The following ATP5PB variants were observed in gnomAD, a reference collection of about 807,000 sequenced individuals.
ATP5PB encodes the protein ATP synthase peripheral stalk-membrane subunit b.
ATP5PB carries 21 observed loss-of-function variants against 34.5 expected under a neutral mutation model. The observed-to-expected ratio is 0.61, with a 90% CI of 0.43 to 0.88. The LOEUF is 0.88. Ranked by LOEUF, ATP5PB falls within the 40% of genes least tolerant of loss-of-function variation. The pLI, the probability that ATP5PB is intolerant of heterozygous loss-of-function variation, is 0.00. For synonymous variants in ATP5PB, 108 were observed against 114.1 expected (o/e 0.95, Z 0.34); for missense variants, 293 against 317.4 (o/e 0.92, Z 0.58).
At chr1:111,460,009 T>G (rs548120327) in intron 6 of ATP5PB, among the ~76,000 whole-genome samples, 1 of 152,008 alleles carries the variant, frequency 6.6e-6, no homozygotes, top group Admixed American at 6.6e-5. Flanking sequence ...TACAAAAAAT[T>G]TAAAAAGTAG....
rs1052880288 is a variant in ATP5PB, at chr1:111,462,540, T to G, written c.*1546T>G. On this transcript the variant is annotated 3_prime_UTR_variant, in exon 7 of 7. Transcript: ENST00000369722. ...GATTCTCCCATACTTGTACAAGGAT[T>G]TATTTGTATTCAAATGGACAAATTA... is the stretch of plus-strand genomic sequence containing the variant. The G allele has an allele frequency of 6.6e-6, 1 of 152,232 alleles. No homozygotes were observed. Among genetic ancestry groups the G allele is most frequent in the African/African-American group, 2.4e-5 (1 of 41,462 alleles). The allele number at this position is 152,232 out of a possible 1,614,324, so 9.4% of individuals were successfully genotyped here.
chr1:111,454,744 G>C (rs574759576), intron 3 of ATP5PB, among the ~76,000 whole-genome samples: 1 of 152,216 alleles, frequency 6.6e-6, no homozygotes, highest in East Asian at 1.9e-4. Flanking sequence ...GCCTGCAGCC[G>C]CAAGTCAGCT....
intron 3 of ATP5PB, among the ~76,000 whole-genome samples, 171 bp from the exon 4 acceptor site, chr1:111,455,915 A>T (rs904914803): frequency 2.0e-5 from 3 of 152,222 alleles, no homozygotes; most frequent in Non-Finnish European, 4.4e-5. Context: ...CCCTGAGTCC[A>T]TATCTTTGTT....
At chr1:111,457,318 C>CACAG (rs1206931627) in intron 5 of ATP5PB, among the ~76,000 whole-genome samples, 3 of 151,252 alleles carry the variant, frequency 2.0e-5, no homozygotes, top group Admixed American at 6.6e-5. Context: ...CTCAAACACA[C>CACAG]ACACACACAC....
At chr1:111,449,798 T>G (rs757661104) in intron 1 of ATP5PB, 39 bp from the exon 2 acceptor site, 5 of 1,613,968 alleles carry the variant, frequency 3.1e-6, no homozygotes, top group Non-Finnish European at 4.2e-6. Flanking sequence ...AAACCAGATT[T>G]CATTTGACTT....
intron 6 of ATP5PB, 23 bp downstream of exon 6, chr1:111,459,659 C>T (rs756568218): frequency 3.4e-5 from 54 of 1,608,962 alleles, no homozygotes; most frequent in Non-Finnish European, 4.4e-5. Flanking sequence ...TTTGTAGGTT[C>T]TGATGTTGTA....
In ATP5PB at chr1:111,454,438, TTTGTTGTTG is replaced by T. The variant is rs571310902; in HGVS notation, c.223+106_223+114del. ...GTTAGGTGGGTTTTCTTCTTTGGTT[TTTGTTGTTG>T]TTGTTGTTGTTGTTGTTGTTGTTTT... On this transcript the variant is annotated intron_variant, in intron 3 of 6. Transcript: ENST00000369722. The T allele has an allele frequency of 2.8e-4, 412 of 1,454,910 alleles. 3 individuals carry two copies. The highest frequency in any genetic ancestry group is 9.7e-4 in the Admixed American group (42 of 43,132). 90.1% of individuals were successfully genotyped at this position (1,454,910 alleles called of 1,614,324 possible). A position where few individuals can be genotyped will look rare whatever the true frequency, so the allele number is the denominator to read the frequency against.
In ATP5PB at chr1:111,449,892, C is replaced by T; in HGVS notation, c.77+19C>T. 2 of 1,613,952 alleles carry T rather than the reference C, an allele frequency of 1.2e-6. No homozygotes were observed. The highest frequency in any genetic ancestry group is 1.7e-6 in the Non-Finnish European group (2 of 1,179,886). On this transcript the variant is annotated intron_variant, in intron 2 of 6. Coordinates refer to ENST00000369722, the MANE Select transcript of ATP5PB (RefSeq NM_001688.5). ...GTCCAGGGTAAGTGTGAGGATAATG[C>T]TCCCTTTCGTCTTTGTTTTCACTAC...
chr1:111,459,868 C>G (rs1006698714), intron 6 of ATP5PB, among the ~76,000 whole-genome samples: 1 of 152,106 alleles, frequency 6.6e-6, no homozygotes, highest in Non-Finnish European at 1.5e-5. Flanking sequence ...TTTAATTTCT[C>G]TATAAAATAG....
chr1:111,454,421 G>T, intron 3 of ATP5PB, 65 bp downstream of exon 3: 2 of 1,511,768 alleles, frequency 1.3e-6, no homozygotes, highest in East Asian at 2.3e-5. Flanking sequence ...AAGTTAGGTG[G>T]GTTTTCTTCT....
At chr1:111,460,784 G>A in intron 6 of ATP5PB, 133 bp from the exon 7 acceptor site, 1 of 642,446 alleles carries the variant, frequency 1.6e-6, no homozygotes. Flanking sequence ...TCTAGTAGCT[G>A]TATAGTGTTA....
At chr1:111,452,578 T>TAAA (rs57194266) in intron 2 of ATP5PB, among the ~76,000 whole-genome samples, 7,407 of 152,122 alleles carry the variant, frequency 0.049, 550 homozygotes, top group African/African-American at 0.17. Flanking sequence ...CTCAAAAAAA[T>TAAA]AAATAAAATA....
rs1235289111 is a variant in ATP5PB, at chr1:111,461,381, T to G, written c.*387T>G. 1.1e-5 allele frequency: 2 copies of G among 182,716 alleles called. No individual in the cohort carries two copies. The highest frequency in any genetic ancestry group is 2.3e-5 in the Non-Finnish European group (2 of 85,708). 11.3% of individuals were successfully genotyped at this position (182,716 alleles called of 1,614,324 possible). A position where few individuals can be genotyped will look rare whatever the true frequency, so the allele number is the denominator to read the frequency against. On this transcript the variant is annotated 3_prime_UTR_variant, in exon 7 of 7. Coordinates refer to ENST00000369722, the MANE Select transcript of ATP5PB (RefSeq NM_001688.5). ...TCTGAAATACTCAGCTTTTGTCATA[T>G]GGGTAAAAATTAAAGATGTCATTGA...
Position 111,462,566 on chromosome 1 carries a change from C to T in ATP5PB, c.*1572C>T, listed in dbSNP as rs570968197. The T allele has an allele frequency of 5.8e-4, 88 of 152,152 alleles. No homozygotes were observed. Among genetic ancestry groups the T allele is most frequent in the African/African-American group, 1.8e-3 (76 of 41,490 alleles). The allele number at this position is 152,152 out of a possible 1,614,324, so 9.4% of individuals were successfully genotyped here. The stretch of plus-strand genomic sequence containing the variant: ...TATTTGTATTCAAATGGACAAATTA[C>T]GCAATAGGAAATATTTGAAAATATT... On this transcript the variant is annotated 3_prime_UTR_variant, in exon 7 of 7. Transcript: ENST00000369722.
At chr1:111,455,737 C>T (rs1653453258) in intron 3 of ATP5PB, among the ~76,000 whole-genome samples, 1 of 152,146 alleles carries the variant, frequency 6.6e-6, no homozygotes, top group Admixed American at 6.5e-5. Flanking sequence ...TATCTGACAT[C>T]TTTGTAGAAT....
chr1:111,462,285 C>T lies in ATP5PB; in HGVS notation c.*1291C>T, dbSNP rs953885321. On this transcript the variant is annotated 3_prime_UTR_variant, in exon 7 of 7. Transcript: ENST00000369722. ...TCCACTTCAAGGAAGAAAATTCTGA[C>T]ACTGGCTACAGCATGAATGAACCTT... is the stretch of plus-strand genomic sequence containing the variant. 6.6e-6 allele frequency: 1 copy of T among 152,196 alleles called. No homozygotes were observed. Among genetic ancestry groups the T allele is most frequent in the African/African-American group, 2.4e-5 (1 of 41,424 alleles). The allele number at this position is 152,196 out of a possible 1,614,324, so 9.4% of individuals were successfully genotyped here. A position where few individuals can be genotyped will look rare whatever the true frequency, so the allele number is the denominator to read the frequency against.
chr1:111,449,937 G>GC, intron 2 of ATP5PB, 64 bp downstream of exon 2: 2 of 1,599,198 alleles, frequency 1.3e-6, no homozygotes, highest in South Asian at 2.2e-5. Flanking sequence ...CCCGATTCCT[G>GC]CCCCCACCCC....
intron 2 of ATP5PB, among the ~76,000 whole-genome samples, chr1:111,452,872 A>G (rs1653372541): frequency 6.6e-6 from 1 of 152,194 alleles, no homozygotes; most frequent in African/African-American, 2.4e-5. Context: ...TGCACAGAAC[A>G]ACCTCTTACA....
chr1:111,461,231 G>A lies in ATP5PB; in HGVS notation c.*237G>A. On this transcript the variant is annotated 3_prime_UTR_variant, in exon 7 of 7. Coordinates refer to ENST00000369722, the MANE Select transcript of ATP5PB (RefSeq NM_001688.5). ...GTGATCACTTCTGAATAAGCAGTTTGCCTTTATAAAAACTTGCTGCCTGAC... is the reference window on the plus strand; with the variant it reads ...GTGATCACTTCTGAATAAGCAGTTTACCTTTATAAAAACTTGCTGCCTGAC... 3.0e-6 allele frequency: 1 copy of A among 329,470 alleles called. No individual in the cohort carries two copies. The highest frequency in any genetic ancestry group is 5.7e-6 in the Non-Finnish European group (1 of 176,390). 20.4% of individuals were successfully genotyped at this position (329,470 alleles called of 1,614,324 possible). A position where few individuals can be genotyped will look rare whatever the true frequency, so the allele number is the denominator to read the frequency against.
Sources: gnomAD v4.1 joint callset for allele counts (sites outside exome capture counted in the v4.1 genomes callset) on GRCh38, gnomAD v4.1.1 for gene constraint, MANE v1.5 for transcripts, NCBI Gene and HGNC (gene_info 2026-07-23, HGNC 2026-07-21) for gene names.